HACD1: variants seen among roughly 807,000 people sequenced by gnomAD.
HACD1 encodes very-long-chain (3R)-3-hydroxyacyl-CoA dehydratase 1.
HACD1 carries 41 observed loss-of-function variants against 32.0 expected under a neutral mutation model. That is an observed-to-expected ratio of 1.28 (90% CI 1.00 to 1.66). The LOEUF is 1.66. Ranked by LOEUF, HACD1 falls within the 40% of genes most tolerant of loss-of-function variation. The probability of loss-of-function intolerance (pLI) is 0.00; values close to 1 mark genes in which losing one functional copy is unlikely to be tolerated. For synonymous variants in HACD1, 142 were observed against 139.0 expected (o/e 1.02, Z -0.15); for missense variants, 396 against 380.1 (o/e 1.04, Z -0.35).
At chr10:17,595,972 C>T (rs1173271151) in intron 5 of HACD1, among the ~76,000 whole-genome samples, 7 of 151,454 alleles carry the variant, frequency 4.6e-5, no homozygotes, top group East Asian at 1.9e-4. Context: ...GGTGACACAG[C>T]GAGACCCTGT....
At chr10:17,590,627 A>C (rs1833916935) in intron 6 of HACD1, among the ~76,000 whole-genome samples, 181 bp from the exon 7 acceptor site, 1 of 152,116 alleles carries the variant, frequency 6.6e-6, no homozygotes, top group Non-Finnish European at 1.5e-5. Context: ...CACATGCCTA[A>C]ATATTCTAAT....
chr10:17,617,003 C>A, intron 1 of HACD1, 80 bp downstream of exon 1: 1 of 1,311,778 alleles, frequency 7.6e-7, no homozygotes, highest in Non-Finnish European at 9.7e-7. Flanking sequence ...CCCTTACACC[C>A]CGGCCCGCGC....
At chr10:17,611,644 C>T (rs1160061496) in intron 1 of HACD1, among the ~76,000 whole-genome samples, 1 of 152,180 alleles carries the variant, frequency 6.6e-6, no homozygotes, top group Non-Finnish European at 1.5e-5. Flanking sequence ...GAAATGCTCA[C>T]TTCCCTATTA....
chr10:17,611,890 C>T (rs1251181757), intron 1 of HACD1, among the ~76,000 whole-genome samples: 2 of 151,796 alleles, frequency 1.3e-5, no homozygotes, highest in African/African-American at 2.4e-5. Context: ...TGGCATGAAC[C>T]CGGGAGGCGG....
chr10:17,596,615 T>C (rs1255754432), intron 5 of HACD1, among the ~76,000 whole-genome samples: 1 of 151,910 alleles, frequency 6.6e-6, no homozygotes, highest in Non-Finnish European at 1.5e-5. Context: ...AATTTGACTT[T>C]ACTTGCACTT....
chr10:17,591,976 A>ATTTTTTTTTTTTTTTTTTTT lies in HACD1; in HGVS notation c.785-1550_785-1531dup, dbSNP rs71393019. ...CCCTGCCTTAACTCACCAGCTACTG[A>ATTTTTTTTTTTTTTTTTTTT]TTTTTTTTTTTTTTTTTTTTTTTGA... On this transcript the variant is annotated intron_variant, in intron 6 of 6. Coordinates refer to ENST00000361271, the MANE Select transcript of HACD1 (RefSeq NM_014241.4). Among the ~76,000 whole-genome samples, 16 of 96,948 alleles carry ATTTTTTTTTTTTTTTTTTTT rather than the reference A, an allele frequency of 1.7e-4. 1 individual carries two copies. The highest frequency in any genetic ancestry group is 4.0e-4 in the African/African-American group (9 of 22,298). 63.6% of individuals were successfully genotyped at this position (96,948 alleles called of 152,430 possible). A position where few individuals can be genotyped will look rare whatever the true frequency, so the allele number is the denominator to read the frequency against.
chr10:17,611,353 TAACTCA>T (rs1468500315), intron 1 of HACD1, among the ~76,000 whole-genome samples: 1 of 152,178 alleles, frequency 6.6e-6, no homozygotes, highest in Non-Finnish European at 1.5e-5. Context: ...CTCTGTCCTC[TAACTCA>T]TGCTGTTTCC....
At chr10:17,597,413 C>G (rs565919063) in intron 5 of HACD1, among the ~76,000 whole-genome samples, 1 of 152,336 alleles carries the variant, frequency 6.6e-6, no homozygotes, top group Non-Finnish European at 1.5e-5. Flanking sequence ...GTTGGGATTA[C>G]AGGCATGAGC....
intron 1 of HACD1, among the ~76,000 whole-genome samples, chr10:17,604,262 G>C (rs1029920595): frequency 2.4e-4 from 37 of 152,230 alleles, no homozygotes; most frequent in African/African-American, 8.4e-4. Context: ...AAGACGGGCG[G>C]ATCACGAGGT....
chr10:17,616,757 C>A (rs903450130), intron 1 of HACD1, among the ~76,000 whole-genome samples: 2 of 152,030 alleles, frequency 1.3e-5, no homozygotes, highest in African/African-American at 2.4e-5. Context: ...CAGGGCTGGG[C>A]GCTCCTTCAA....
At chr10:17,605,967 G>A (rs1362692535) in intron 1 of HACD1, among the ~76,000 whole-genome samples, 4 of 148,760 alleles carry the variant, frequency 2.7e-5, no homozygotes, top group Non-Finnish European at 4.5e-5. Context: ...AAAAAGAAAA[G>A]AAAAGAAAAA....
intron 1 of HACD1, among the ~76,000 whole-genome samples, chr10:17,604,704 C>A (rs7917274): frequency 2.0e-5 from 3 of 151,944 alleles, no homozygotes; most frequent in Non-Finnish European, 4.4e-5. Flanking sequence ...TAACAAAGAA[C>A]AATTATTGGC....
intron 6 of HACD1, among the ~76,000 whole-genome samples, chr10:17,592,619 T>C (rs1833943484): frequency 6.6e-6 from 1 of 152,060 alleles, no homozygotes; most frequent in Non-Finnish European, 1.5e-5. Context: ...GCTCTCCATT[T>C]CCATGGAGAT....
At chr10:17,600,797 C>A (rs1431441826) in intron 4 of HACD1, among the ~76,000 whole-genome samples, 1 of 152,184 alleles carries the variant, frequency 6.6e-6, no homozygotes, top group Non-Finnish European at 1.5e-5. Flanking sequence ...AGGTATACTG[C>A]AACGCATACC....
At position 17,617,154 on chromosome 10, in the gene HACD1, G is replaced by C; in HGVS notation, c.186C>G (p.Pro62=). The change falls in exon 1 of 7, where the codon CCC becomes CCG. Residue 62 remains proline, a synonymous_variant. Transcript: ENST00000361271. ...AGACCCCCAGGCGCCTCCGCTCGCC[G>C]GGAGCCTCCCGGTCCTCGCCGGCCT... ...ASEAGEDREA[P]GERRRLGVLA... The C allele has an allele frequency of 6.6e-7, 1 of 1,506,244 alleles. No individual in the cohort carries two copies. The highest frequency in any genetic ancestry group is 1.9e-4 in the Middle Eastern group (1 of 5,144). The allele number at this position is 1,506,244 out of a possible 1,614,324, so 93.3% of individuals were successfully genotyped here.
intron 5 of HACD1, among the ~76,000 whole-genome samples, chr10:17,596,504 G>T (rs1554816011): frequency 3.4e-5 from 5 of 148,574 alleles, no homozygotes. Flanking sequence ...TTTTTGGCAG[G>T]ATTGTTCTTC....
intron 5 of HACD1, chr10:17,599,004 A>T: frequency 3.0e-6 from 1 of 329,826 alleles, no homozygotes; most frequent in Non-Finnish European, 4.9e-6. Flanking sequence ...AAAAATGTAT[A>T]TTGTGCTTTC....
At chr10:17,609,155 GT>G (rs56347429) in intron 1 of HACD1, among the ~76,000 whole-genome samples, 1,977 of 132,070 alleles carry the variant, frequency 0.015, 39 homozygotes, top group African/African-American at 0.049. Context: ...TGTGCAAAAG[GT>G]TTTTTTTTTT....
intron 6 of HACD1, 47 bp from the exon 7 acceptor site, chr10:17,590,493 T>C: frequency 7.2e-7 from 1 of 1,385,130 alleles, no homozygotes; most frequent in Non-Finnish European, 1.0e-6. Flanking sequence ...TGCTTTAAAA[T>C]TATTTATACT....
Sources: allele counts gnomAD v4.1 joint callset (sites outside exome capture counted in the v4.1 genomes callset), GRCh38; gene constraint gnomAD v4.1.1; transcripts MANE v1.5; gene names NCBI Gene and HGNC (gene_info 2026-07-23, HGNC 2026-07-21).